GRK3: variants seen among roughly 807,000 people sequenced by gnomAD.
The protein encoded by GRK3 is adrenergic, beta, receptor kinase 2.
A neutral mutation model predicts 95.7 loss-of-function variants in GRK3; 54 were observed. The observed-to-expected ratio is 0.56, with a 90% CI of 0.45 to 0.71. The LOEUF is 0.71. Among genes scored for constraint, GRK3 ranks in the 30% least tolerant of loss-of-function variants. GRK3 has a pLI of 0.00. For synonymous variants in GRK3, 281 were observed against 290.8 expected, an observed-to-expected ratio of 0.97 and a Z score of 0.34; for missense variants, 649 against 851.2, an observed-to-expected ratio of 0.76 and a Z score of 2.96.
At chr22:25,571,212 C>G (rs1931690779) in intron 1 of GRK3, among the ~76,000 whole-genome samples, 1 of 152,146 alleles carries the variant, frequency 6.6e-6, no homozygotes, top group Non-Finnish European at 1.5e-5. Context: ...CTGTGCCATC[C>G]CTACTACCTA....
intron 1 of GRK3, among the ~76,000 whole-genome samples, chr22:25,597,918 A>T (rs1244556023): frequency 6.6e-6 from 1 of 152,208 alleles, no homozygotes; most frequent in African/African-American, 2.4e-5. Context: ...CTTTTTAGAC[A>T]AACAAGAGCT....
chr22:25,658,772 C>T (rs56146619), intron 3 of GRK3, among the ~76,000 whole-genome samples: 13,077 of 151,858 alleles, frequency 0.086, 1,807 homozygotes, highest in African/African-American at 0.29. Context: ...GTGGCAGGGG[C>T]GTGGCGAAAG....
At chr22:25,681,742 G>A (rs2085076218) in intron 9 of GRK3, among the ~76,000 whole-genome samples, 1 of 152,070 alleles carries the variant, frequency 6.6e-6, no homozygotes, top group South Asian at 2.1e-4. Context: ...TTTTTATGGC[G>A]AGTTCCTGCA....
At chr22:25,586,331 A>G (rs1351828059) in intron 1 of GRK3, among the ~76,000 whole-genome samples, 1 of 152,298 alleles carries the variant, frequency 6.6e-6, no homozygotes, top group Admixed American at 6.5e-5. Context: ...TATAGTCAAT[A>G]ATAACTTAAT....
intron 5 of GRK3, among the ~76,000 whole-genome samples, chr22:25,667,211 A>G (rs2084947797): frequency 6.6e-6 from 1 of 151,996 alleles, no homozygotes; most frequent in African/African-American, 2.4e-5. Flanking sequence ...AATAAATAAA[A>G]TAGCTAATTA....
At chr22:25,656,079 A>G (rs2084869199) in intron 3 of GRK3, among the ~76,000 whole-genome samples, 1 of 152,130 alleles carries the variant, frequency 6.6e-6, no homozygotes, top group Non-Finnish European at 1.5e-5. Flanking sequence ...TGATTATAGT[A>G]CCTGTCTTGT....
chr22:25,717,300 A>G (rs2085394379), intron 18 of GRK3, among the ~76,000 whole-genome samples: 1 of 152,106 alleles, frequency 6.6e-6, no homozygotes, highest in African/African-American at 2.4e-5. Flanking sequence ...CTCGTATTTT[A>G]AACAGATTTC....
chr22:25,665,124 T>C (rs749994665), intron 5 of GRK3, among the ~76,000 whole-genome samples: 10 of 152,172 alleles, frequency 6.6e-5, no homozygotes, highest in Non-Finnish European at 1.5e-4. Flanking sequence ...GAAATGACAC[T>C]GCGCTCTCCC....
At chr22:25,641,275 A>G (rs1235728367) in intron 2 of GRK3, among the ~76,000 whole-genome samples, 1 of 152,054 alleles carries the variant, frequency 6.6e-6, no homozygotes, top group Non-Finnish European at 1.5e-5. Context: ...TTGGGTGTTC[A>G]TTCATTCAAC....
chr22:25,721,551 G>A (rs1222046831), intron 20 of GRK3, among the ~76,000 whole-genome samples, 154 bp downstream of exon 20: 1 of 152,080 alleles, frequency 6.6e-6, no homozygotes, highest in African/African-American at 2.4e-5. Context: ...CAAATTCATC[G>A]TGATTTTTTA....
At chr22:25,581,304 T>G (rs12158581) in intron 1 of GRK3, 1 of 152,176 alleles carries the variant, frequency 6.6e-6, no homozygotes, top group South Asian at 2.1e-4. Flanking sequence ...TAGGTGTGAA[T>G]ATCACAACTG....
In GRK3 at chr22:25,604,420, A is replaced by G. The variant is rs747909675; in HGVS notation, c.157A>G (p.Ile53Val). 5.0e-6 allele frequency: 8 copies of G among 1,612,176 alleles called. No individual in the cohort carries two copies. Among genetic ancestry groups the G allele is most frequent in the Non-Finnish European group, 6.8e-6 (8 of 1,179,268 alleles). Residue 53 changes from isoleucine (I) to valine (V), a missense_variant, in exon 2 of 21, where the codon ATA (isoleucine) becomes GTA (valine). Transcript: ENST00000324198. ...GAAGTACCTTGCAGAGAGAAATGAAATAACCTTTGACAAGATTTTCAATCA... is the reference window on the plus strand; with the variant it reads ...GAAGTACCTTGCAGAGAGAAATGAAGTAACCTTTGACAAGATTTTCAATCA... ...MQKYLAERNE[I>V]TFDKIFNQKI... is the part of the protein sequence containing the mutation.
intron 2 of GRK3, among the ~76,000 whole-genome samples, chr22:25,607,529 C>A (rs113117792): frequency 0.024 from 3,643 of 151,970 alleles, 49 homozygotes; most frequent in East Asian, 0.037. Context: ...GAATGTTCCA[C>A]GTTCTGGGCT....
chr22:25,723,864 A>G lies in GRK3; in HGVS notation c.*1414A>G, dbSNP rs2085453637. The G allele has an allele frequency of 6.6e-6, 1 of 151,922 alleles. No individual in the cohort carries two copies. The highest frequency in any genetic ancestry group is 6.6e-5 in the Admixed American group (1 of 15,256). The allele number at this position is 151,922 out of a possible 1,614,324, so 9.4% of individuals were successfully genotyped here. A position where few individuals can be genotyped will look rare whatever the true frequency, so the allele number is the denominator to read the frequency against. The stretch of plus-strand genomic sequence containing the variant: ...ATTTGTTTGCTGTGTTCATGGGCAA[A>G]GTAAGTACTTTTTAATGCAGTTATT... On this transcript the variant is annotated 3_prime_UTR_variant, in exon 21 of 21. Coordinates refer to ENST00000324198, the MANE Select transcript of GRK3 (RefSeq NM_005160.4).
chr22:25,718,477 G>A (rs986081933), intron 19 of GRK3, 96 bp downstream of exon 19: 33 of 1,319,254 alleles, frequency 2.5e-5, no homozygotes, highest in African/African-American at 2.9e-5. Flanking sequence ...ACTATCCTCC[G>A]AAACTCTGTG....
rs1340527851 is a variant in GRK3, at chr22:25,661,244, AGAG to A, written c.265-328_265-326del. ...CAAATTGAAATGATTTGTGCTTTGA[AGAG>A]GAGAATTGGCAAGGATGCATGGTCT... On this transcript the variant is annotated intron_variant, in intron 3 of 20. Coordinates refer to ENST00000324198, the MANE Select transcript of GRK3 (RefSeq NM_005160.4). Among the ~76,000 whole-genome samples the A allele has an allele frequency of 2.2e-4, 33 of 152,338 alleles. No individual in the cohort carries two copies. The East Asian group carries it at 6.2e-3, about 28-fold the overall frequency.
chr22:25,658,710 T>C (rs2084889916), intron 3 of GRK3, among the ~76,000 whole-genome samples: 1 of 152,274 alleles, frequency 6.6e-6, no homozygotes, highest in African/African-American at 2.4e-5. Context: ...GTGTTATATT[T>C]TGAATATAAA....
At chr22:25,565,807 T>G (rs1368413607) in intron 1 of GRK3, among the ~76,000 whole-genome samples, 5 of 152,196 alleles carry the variant, frequency 3.3e-5, no homozygotes, top group Admixed American at 6.5e-5. Flanking sequence ...GTGCCAAGTG[T>G]GTCACCTGAG....
chr22:25,612,299 A>T (rs74936090), intron 2 of GRK3, among the ~76,000 whole-genome samples: 2,176 of 152,158 alleles, frequency 0.014, 51 homozygotes, highest in African/African-American at 0.048. Flanking sequence ...TCTTTTTTGC[A>T]TGTGGATATC....
Sources: gnomAD v4.1 joint callset for allele counts (sites outside exome capture counted in the v4.1 genomes callset) on GRCh38, gnomAD v4.1.1 for gene constraint, MANE v1.5 for transcripts, NCBI Gene and HGNC (gene_info 2026-07-23, HGNC 2026-07-21) for gene names.